PRDM15: variants seen among roughly 807,000 people sequenced by gnomAD.
The protein encoded by PRDM15 is PR/SET domain 15.
A neutral mutation model predicts 128.6 loss-of-function variants in PRDM15; 64 were observed. The observed-to-expected ratio is 0.50, with a 90% CI of 0.41 to 0.61. PRDM15 has a LOEUF of 0.61. PRDM15 is among the 20% of genes least tolerant of loss of function. The pLI is 0.00. For missense variants in PRDM15, 1,242 were observed against 1,569.1 expected, an observed-to-expected ratio of 0.79 and a Z score of 3.52; for synonymous variants, 615 against 621.8, an observed-to-expected ratio of 0.99 and a Z score of 0.16.
In PRDM15 at chr21:41,834,535, G is replaced by GC. The variant is rs770043387; in HGVS notation, c.1366+901dup. 2.6e-5 allele frequency: 40 copies of GC among 1,549,598 alleles called. No individual in the cohort carries two copies. In the East Asian group the frequency reaches 3.7e-4, roughly 14 times the overall value. ...AGGTCTCTAAGCCGACTGCCGCCGG[G>GC]CCCCCCCTCTCCAGGGTGTGCTATG... On this transcript the variant is annotated intron_variant, in intron 11 of 23. Coordinates refer to ENST00000398548, the MANE Select transcript of PRDM15 (RefSeq NM_001040424.3).
At position 41,828,558 on chromosome 21, in the gene PRDM15, C is replaced by T. The variant is rs1454804891; in HGVS notation, c.1367-225G>A. ...GTGCTTGAAAAGCAGACACGGAGCT[C>T]ACCTTTCATCACCAAGCAACGCCAG... On this transcript the variant is annotated intron_variant, in intron 11 of 23. Transcript: ENST00000398548. This position sits in a 1 kb window ranked among gnomAD's most constrained non-coding sequence, Gnocchi z 5.7. 6.6e-6 allele frequency among the ~76,000 whole-genome samples: 1 copy of T among 151,784 alleles called. No individual in the cohort carries two copies. The highest frequency in any genetic ancestry group is 1.5e-5 in the Non-Finnish European group (1 of 67,932).
Position 41,811,529 on chromosome 21 carries a change from G to C in PRDM15, c.2393-693C>G, listed in dbSNP as rs1357557166. ...CCGGGCATGATGGTGTGTGCCTGTAGTCCCAGCTACTCGAGAAGCTGAGGT... is the reference window on the plus strand; with the variant it reads ...CCGGGCATGATGGTGTGTGCCTGTACTCCCAGCTACTCGAGAAGCTGAGGT... On this transcript the variant is annotated intron_variant, in intron 19 of 23. Coordinates refer to ENST00000398548, the MANE Select transcript of PRDM15 (RefSeq NM_001040424.3). This position sits in a 1 kb window ranked among gnomAD's most constrained non-coding sequence, Gnocchi z 4.1. 1 of 152,398 alleles carries C rather than the reference G, an allele frequency of 6.6e-6. No homozygotes were observed. The highest frequency in any genetic ancestry group is 1.5e-5 in the Non-Finnish European group (1 of 68,320). 9.4% of individuals were successfully genotyped at this position (152,398 alleles called of 1,614,324 possible). A position where few individuals can be genotyped will look rare whatever the true frequency, so the allele number is the denominator to read the frequency against.
intron 5 of PRDM15, among the ~76,000 whole-genome samples, chr21:41,850,313 A>ACACCCTCCTCCTGGTGCCCCCCCC (rs760550562): frequency 7.0e-6 from 1 of 142,078 alleles, no homozygotes; most frequent in African/African-American, 2.6e-5. Context: ...GTGCCCCCCC[A>ACACCCTCCTCCTGGTGCCCCCCCC]ACACTCTCCT....
At chr21:41,875,576 T>A (rs1464784153) in intron 1 of PRDM15, among the ~76,000 whole-genome samples, 2 of 152,230 alleles carry the variant, frequency 1.3e-5, no homozygotes, top group Non-Finnish European at 2.9e-5. Flanking sequence ...CTAGGCACGG[T>A]GACGTGACAG....
Position 41,828,565 on chromosome 21 carries a change from C to A in PRDM15, c.1367-232G>T, listed in dbSNP as rs1197415109. Among the ~76,000 whole-genome samples the A allele has an allele frequency of 2.0e-5, 3 of 151,810 alleles. No individual in the cohort carries two copies. The highest frequency in any genetic ancestry group is 7.3e-5 in the African/African-American group (3 of 41,278). Reference sequence around the variant, plus strand: ...AAAAGCAGACACGGAGCTCACCTTTCATCACCAAGCAACGCCAGCCGCCTC... The same window carrying A: ...AAAAGCAGACACGGAGCTCACCTTTAATCACCAAGCAACGCCAGCCGCCTC... On this transcript the variant is annotated intron_variant, in intron 11 of 23. Coordinates refer to ENST00000398548, the MANE Select transcript of PRDM15 (RefSeq NM_001040424.3). This position sits in a 1 kb window ranked among gnomAD's most constrained non-coding sequence, Gnocchi z 5.7.
chr21:41,831,651 G>A (rs1178090707), intron 11 of PRDM15, among the ~76,000 whole-genome samples: 1 of 152,240 alleles, frequency 6.6e-6, no homozygotes, highest in Non-Finnish European at 1.5e-5. Context: ...ATGGCCGACA[G>A]CGAAGACAGG....
intron 5 of PRDM15, among the ~76,000 whole-genome samples, chr21:41,850,937 C>A (rs138744199): frequency 3.0e-4 from 46 of 152,284 alleles, no homozygotes; most frequent in African/African-American, 9.9e-4. Flanking sequence ...ATCAAAGAGA[C>A]AGAATTAAGT....
intron 6 of PRDM15, among the ~76,000 whole-genome samples, chr21:41,843,127 GTTTT>G (rs2063126031): frequency 6.7e-6 from 1 of 148,854 alleles, no homozygotes; most frequent in African/African-American, 2.6e-5. Flanking sequence ...TTGTTTGTTT[GTTTT>G]AAGTATATCT....
intron 1 of PRDM15, among the ~76,000 whole-genome samples, chr21:41,869,849 A>G (rs536553542): frequency 5.9e-5 from 9 of 152,356 alleles, no homozygotes; most frequent in African/African-American, 2.2e-4. Flanking sequence ...CTTTTTGTCT[A>G]CAACGCCCCA....
At chr21:41,872,662 G>A (rs1009844922) in intron 1 of PRDM15, among the ~76,000 whole-genome samples, 8 of 152,138 alleles carry the variant, frequency 5.3e-5, no homozygotes, top group African/African-American at 1.7e-4. Flanking sequence ...TCTTTGTGTC[G>A]GAAACATTCA....
intron 23 of PRDM15, 105 bp downstream of exon 23, chr21:41,802,607 T>G: frequency 1.1e-6 from 1 of 932,370 alleles, no homozygotes; most frequent in Non-Finnish European, 1.8e-6. Context: ...GAAGTCCACA[T>G]GTACACTGTG....
chr21:41,830,227 CCACA>C (rs1211979351), intron 11 of PRDM15, among the ~76,000 whole-genome samples: 2 of 149,014 alleles, frequency 1.3e-5, no homozygotes, highest in East Asian at 4.1e-4. Flanking sequence ...CACAATCACA[CCACA>C]CACTCAANAC....
intron 6 of PRDM15, among the ~76,000 whole-genome samples, chr21:41,840,829 C>T (rs952620898): frequency 5.9e-5 from 9 of 151,278 alleles, no homozygotes; most frequent in Admixed American, 2.0e-4. Flanking sequence ...TTATAACAAG[C>T]GGTTATGAAA....
In PRDM15 at chr21:41,838,005, T is replaced by TGGCGTTGCACTCACAGGCTCATCC; in HGVS notation, c.906_929dup (p.Pro305_Glu312dup). ...GAACCAGCTCCATGATCCGCTCATCTGGCGTTGCACTCACAGGCTCATCCG... is the reference window on the plus strand; with the variant it reads ...GAACCAGCTCCATGATCCGCTCATCTGGCGTTGCACTCACAGGCTCATCCGGCGTTGCACTCACAGGCTCATCCG... On this transcript the variant is annotated inframe_insertion, in exon 8 of 24. Transcript: ENST00000398548. 1 of 1,614,202 alleles carries TGGCGTTGCACTCACAGGCTCATCC rather than the reference T, an allele frequency of 6.2e-7. No individual in the cohort carries two copies. Among genetic ancestry groups the TGGCGTTGCACTCACAGGCTCATCC allele is most frequent in the East Asian group, 2.2e-5 (1 of 44,880 alleles).
intron 1 of PRDM15, among the ~76,000 whole-genome samples, chr21:41,867,764 G>C (rs1443307243): frequency 6.6e-6 from 1 of 152,146 alleles, no homozygotes; most frequent in Non-Finnish European, 1.5e-5. Context: ...GTCATTTCAA[G>C]AATGTCACAT....
Position 41,817,081 on chromosome 21 carries a change from G to A in PRDM15, c.2261-1245C>T, listed in dbSNP as rs569647203. Reference sequence around the variant, plus strand: ...CCCACCACAGCCAGCATTGGTGACAGTAATGTTTTTTCTTCCATTTAACAA... The same window carrying A: ...CCCACCACAGCCAGCATTGGTGACAATAATGTTTTTTCTTCCATTTAACAA... On this transcript the variant is annotated intron_variant, in intron 18 of 23. Coordinates refer to ENST00000398548, the MANE Select transcript of PRDM15 (RefSeq NM_001040424.3). Among the ~76,000 whole-genome samples the A allele has an allele frequency of 1.5e-3, 225 of 152,256 alleles. 2 individuals carry two copies. The highest frequency in any genetic ancestry group is 5.2e-3 in the African/African-American group (214 of 41,544).
At position 41,810,671 on chromosome 21, in the gene PRDM15, G is replaced by A. The variant is rs373348494; in HGVS notation, c.2476+82C>T. The A allele has an allele frequency of 4.5e-5, 49 of 1,096,388 alleles. No individual in the cohort carries two copies. The highest frequency in any genetic ancestry group is 9.4e-5 in the East Asian group (4 of 42,480). The allele number at this position is 1,096,388 out of a possible 1,614,324, so 67.9% of individuals were successfully genotyped here. On this transcript the variant is annotated intron_variant, in intron 20 of 23. Coordinates refer to ENST00000398548, the MANE Select transcript of PRDM15 (RefSeq NM_001040424.3). The surrounding 1 kb of genome is among the most constrained non-coding windows in gnomAD (Gnocchi z 6.4). ...GAACCGTCTAGATAATAGAATAGTC[G>A]TTTCCACCCCAGCAGGCACTCAGAC...
At chr21:41,858,389 C>T (rs546537652) in intron 3 of PRDM15, among the ~76,000 whole-genome samples, 2 of 152,048 alleles carry the variant, frequency 1.3e-5, no homozygotes, top group South Asian at 4.2e-4. Context: ...AGAGCACAGG[C>T]CCCTCCGACA....
At position 41,839,259 on chromosome 21, in the gene PRDM15, GCAGA is replaced by G. The variant is rs2062993283; in HGVS notation, c.871+360_871+363del. 2.0e-5 allele frequency among the ~76,000 whole-genome samples: 3 copies of G among 152,304 alleles called. No individual in the cohort carries two copies. The South Asian group carries it at 6.2e-4, about 32-fold the overall frequency. On this transcript the variant is annotated intron_variant, in intron 7 of 23. Coordinates refer to ENST00000398548, the MANE Select transcript of PRDM15 (RefSeq NM_001040424.3). ...CGAGGCTGTAAGCTGCCTGAAGGAG[GCAGA>G]CAGAGTCCATTCGTGAGAAATTCCA...
Sources: gnomAD v4.1 joint callset for allele counts (sites outside exome capture counted in the v4.1 genomes callset) on GRCh38, gnomAD v4.1.1 for gene constraint, Gnocchi (gnomAD v3.1) non-coding constraint, MANE v1.5 for transcripts, NCBI Gene and HGNC (gene_info 2026-07-23, HGNC 2026-07-21) for gene names.